The following NKAIN3 variants were observed in gnomAD, a reference collection of about 807,000 sequenced individuals.
The protein encoded by NKAIN3 is sodium/potassium-transporting ATPase subunit beta-1-interacting protein 3.
In NKAIN3, 25 loss-of-function variants were observed where a neutral mutation model predicts 30.2. That is an observed-to-expected ratio of 0.83 (90% CI 0.60 to 1.16). The LOEUF (loss-of-function observed/expected upper bound fraction) is 1.16. Among genes scored for constraint, NKAIN3 ranks in the 50% most tolerant of loss-of-function variants. NKAIN3 has a pLI of 0.00. For missense variants in NKAIN3, 225 were observed against 254.1 expected, an observed-to-expected ratio of 0.89 and a Z score of 0.78; for synonymous variants, 91 against 89.6, an observed-to-expected ratio of 1.02 and a Z score of -0.09.
intron 3 of NKAIN3, among the ~76,000 whole-genome samples, chr8:62,701,310 C>T (rs1814324689): frequency 6.6e-6 from 1 of 152,174 alleles, no homozygotes; most frequent in Non-Finnish European, 1.5e-5. Context: ...CATGACCAGC[C>T]ATTTTTCAAA....
intron 4 of NKAIN3, among the ~76,000 whole-genome samples, chr8:62,790,301 G>A (rs1158579112): frequency 6.6e-6 from 1 of 152,098 alleles, no homozygotes; most frequent in Non-Finnish European, 1.5e-5. Context: ...AGGTGTTGAT[G>A]GGATGTATCT....
chr8:62,552,410 C>A (rs1809245374), intron 1 of NKAIN3, among the ~76,000 whole-genome samples: 1 of 152,120 alleles, frequency 6.6e-6, no homozygotes, highest in African/African-American at 2.4e-5. Context: ...CCAAATTCTT[C>A]TTAGTTAAAC....
chr8:62,341,224 T>C (rs1027246760), intron 1 of NKAIN3, among the ~76,000 whole-genome samples: 4 of 152,160 alleles, frequency 2.6e-5, no homozygotes, highest in African/African-American at 9.6e-5. Flanking sequence ...GGCATTGTTT[T>C]CAGGTACTGT....
chr8:62,668,554 G>A (rs773554281), intron 3 of NKAIN3, among the ~76,000 whole-genome samples: 4 of 152,060 alleles, frequency 2.6e-5, no homozygotes, highest in East Asian at 1.9e-4. Context: ...TAAATGATAC[G>A]TTTCGTAAGA....
intron 4 of NKAIN3, among the ~76,000 whole-genome samples, chr8:62,870,617 T>C (rs1220974849): frequency 9.3e-6 from 1 of 107,880 alleles, no homozygotes; most frequent in Non-Finnish European, 1.9e-5. Context: ...ATACAATATA[T>C]ATACAAAATA....
chr8:62,632,284 G>A (rs949338684), intron 3 of NKAIN3, among the ~76,000 whole-genome samples: 1 of 151,978 alleles, frequency 6.6e-6, no homozygotes, highest in Non-Finnish European at 1.5e-5. Context: ...TGAAATTTTT[G>A]TGTCTTCAAA....
intron 1 of NKAIN3, among the ~76,000 whole-genome samples, chr8:62,262,796 C>T (rs1812484988): frequency 6.6e-6 from 1 of 152,136 alleles, no homozygotes; most frequent in Non-Finnish European, 1.5e-5. Context: ...CTATGTCATA[C>T]AGAGGCACAT....
chr8:62,637,261 C>T (rs535853080), intron 3 of NKAIN3, among the ~76,000 whole-genome samples: 1 of 152,292 alleles, frequency 6.6e-6, no homozygotes, highest in South Asian at 2.1e-4. Flanking sequence ...TTCCTAGTGA[C>T]ACCCCTTAAT....
At chr8:62,265,724 G>A (rs1003127173) in intron 1 of NKAIN3, among the ~76,000 whole-genome samples, 4 of 152,136 alleles carry the variant, frequency 2.6e-5, no homozygotes, top group Non-Finnish European at 4.4e-5. Context: ...TATTTTTATA[G>A]TACACATTTT....
At chr8:62,451,326 C>T (rs911710923) in intron 1 of NKAIN3, among the ~76,000 whole-genome samples, 15 of 136,898 alleles carry the variant, frequency 1.1e-4, no homozygotes, top group African/African-American at 2.6e-4. Context: ...CTCCTTCTCT[C>T]CCCTCCTCTC....
chr8:62,674,758 A>T (rs1486068306), intron 3 of NKAIN3, among the ~76,000 whole-genome samples: 1 of 152,234 alleles, frequency 6.6e-6, no homozygotes, highest in Non-Finnish European at 1.5e-5. Flanking sequence ...TGTAGAAGAT[A>T]TTCCAATGAG....
chr8:62,994,196 G>A (rs1804049604), intron 5 of NKAIN3, among the ~76,000 whole-genome samples: 1 of 152,310 alleles, frequency 6.6e-6, no homozygotes, highest in Admixed American at 6.5e-5. Flanking sequence ...AGTAAGAAAA[G>A]ATTAGAAACA....
intron 1 of NKAIN3, among the ~76,000 whole-genome samples, chr8:62,497,984 AG>A (rs1033110602): frequency 2.6e-5 from 4 of 152,122 alleles, no homozygotes; most frequent in Admixed American, 1.3e-4. Context: ...CTTGCTGCTT[AG>A]TTTCTTTCTT....
At chr8:62,445,456 TA>T (rs1423163971) in intron 1 of NKAIN3, among the ~76,000 whole-genome samples, 1 of 152,176 alleles carries the variant, frequency 6.6e-6, no homozygotes, top group Non-Finnish European at 1.5e-5. Flanking sequence ...TCAGGTTAAA[TA>T]AAATTGCCCA....
chr8:62,959,783 G>A (rs577527319), intron 6 of NKAIN3, among the ~76,000 whole-genome samples: 1 of 152,236 alleles, frequency 6.6e-6, no homozygotes, highest in South Asian at 2.1e-4. Flanking sequence ...GTTCCCTGAG[G>A]CTTACCATCA....
At chr8:62,930,548 C>T (rs993161305) in intron 5 of NKAIN3, among the ~76,000 whole-genome samples, 1 of 151,592 alleles carries the variant, frequency 6.6e-6, no homozygotes, top group Non-Finnish European at 1.5e-5. Flanking sequence ...GTCACAGCGA[C>T]CTGCCCTCTA....
At chr8:62,903,292 A>G (rs1218195949) in intron 4 of NKAIN3, among the ~76,000 whole-genome samples, 1 of 152,212 alleles carries the variant, frequency 6.6e-6, no homozygotes. Context: ...GGCATAAGAC[A>G]CTTCCATAGA....
At chr8:62,798,312 C>T (rs568806517) in intron 4 of NKAIN3, among the ~76,000 whole-genome samples, 3 of 152,254 alleles carry the variant, frequency 2.0e-5, no homozygotes, top group Non-Finnish European at 2.9e-5. Flanking sequence ...TGGCTCATGC[C>T]TGTAATCCCA....
In NKAIN3 at chr8:62,770,785, TA is replaced by T. The variant is rs545554177; in HGVS notation, c.471+23668del. ...AATAAAATAAAAATAAAAGCAGAATTAAAAAAAAAAAACTAAGCAGAGACTT... is the reference window on the plus strand; with the variant it reads ...AATAAAATAAAAATAAAAGCAGAATTAAAAAAAAAAACTAAGCAGAGACTT... On this transcript the variant is annotated intron_variant, in intron 4 of 6. Coordinates refer to ENST00000623646, the MANE Select transcript of NKAIN3 (RefSeq NM_001304533.3). Among the ~76,000 whole-genome samples, 713 of 139,384 alleles carry T rather than the reference TA, an allele frequency of 5.1e-3. 3 individuals are homozygous for T. The highest frequency in any genetic ancestry group is 0.017 in the African/African-American group (640 of 38,022). 91.4% of individuals were successfully genotyped at this position (139,384 alleles called of 152,430 possible).
Sources: gnomAD v4.1 joint callset for allele counts (sites outside exome capture counted in the v4.1 genomes callset) on GRCh38, gnomAD v4.1.1 for gene constraint, MANE v1.5 for transcripts, NCBI Gene and HGNC (gene_info 2026-07-23, HGNC 2026-07-21) for gene names.